ABHD12: variants seen among roughly 807,000 people sequenced by gnomAD.
ABHD12 encodes lysophosphatidylserine lipase ABHD12.
Under a neutral mutation model 58.3 loss-of-function variants are expected in ABHD12, and 43 were observed. That is an observed-to-expected ratio of 0.74 (90% CI 0.58 to 0.95). The LOEUF (loss-of-function observed/expected upper bound fraction) is 0.95. ABHD12 is among the 40% of genes least tolerant of loss of function. The pLI is 0.00. For synonymous variants in ABHD12, 219 were observed against 211.2 expected (o/e 1.04, Z -0.32); for missense variants, 539 against 537.2 (o/e 1.00, Z -0.03).
chr20:25,352,338 G>C (rs1019397225), intron 1 of ABHD12, among the ~76,000 whole-genome samples: 5 of 151,806 alleles, frequency 3.3e-5, no homozygotes, highest in African/African-American at 1.2e-4. Context: ...GCCCAGGCTG[G>C]AGTACAGTGG....
intron 1 of ABHD12, among the ~76,000 whole-genome samples, chr20:25,347,937 C>T (rs1419252052): frequency 6.7e-6 from 1 of 149,314 alleles, no homozygotes; most frequent in African/African-American, 2.5e-5. Context: ...AAAGCCTGGG[C>T]GCAGGGTCTC....
At chr20:25,308,974 C>T (rs983776655) in intron 7 of ABHD12, among the ~76,000 whole-genome samples, 6 of 152,126 alleles carry the variant, frequency 3.9e-5, no homozygotes, top group Non-Finnish European at 8.8e-5. Flanking sequence ...AGGGCTGCCC[C>T]GAAGGGAAAG....
At chr20:25,308,620 G>T in intron 7 of ABHD12, 126 bp from the exon 8 acceptor site, 1 of 1,212,068 alleles carries the variant, frequency 8.3e-7, no homozygotes, top group Admixed American at 2.0e-5. Flanking sequence ...TCAGGACAGA[G>T]TGGGGGAAAT....
At position 25,300,708 on chromosome 20, in the gene ABHD12, GAGGTGCTCTCC is replaced by G. The variant is rs1283987538; in HGVS notation, c.*126_*136del. 1.2e-5 allele frequency: 19 copies of G among 1,556,360 alleles called. No homozygotes were observed. The highest frequency in any genetic ancestry group is 1.6e-5 in the Non-Finnish European group (18 of 1,155,188). ...GCAGGGGCCTCCCCGCCTGGGATCT[GAGGTGCTCTCC>G]AGGTGCGAGCTGGGCTCCTGAGCAT... On this transcript the variant is annotated 3_prime_UTR_variant, in exon 13 of 13. Transcript: ENST00000339157.
chr20:25,371,171 T>C (rs956342894), intron 1 of ABHD12, among the ~76,000 whole-genome samples: 6 of 152,264 alleles, frequency 3.9e-5, no homozygotes, highest in East Asian at 3.9e-4. Flanking sequence ...ACTGAGACAC[T>C]GGACTGGTGG....
chr20:25,295,001 T>C, exon 13 of ABHD12: 2 of 1,614,224 alleles, frequency 1.2e-6, no homozygotes, highest in Non-Finnish European at 8.5e-7. Flanking sequence ...CATGCTGGGA[T>C]CTGGGCTGGA....
Position 25,312,737 on chromosome 20 carries a change from C to T in ABHD12, c.619+2188G>A, listed in dbSNP as rs533118621. Among the ~76,000 whole-genome samples the T allele has an allele frequency of 3.1e-4, 47 of 151,532 alleles. No homozygotes were observed. In the East Asian group the frequency reaches 8.4e-3, roughly 27 times the overall value. The stretch of plus-strand genomic sequence containing the variant: ...GCCATCCCATCTAGGAAGTGAGAAG[C>T]GTCTCTGCCCGGCCGCCCATCGTCT... On this transcript the variant is annotated intron_variant, in intron 6 of 12. Coordinates refer to ENST00000339157, the MANE Select transcript of ABHD12 (RefSeq NM_001042472.3).
chr20:25,309,523 T>C lies in ABHD12; in HGVS notation c.672A>G (p.Ala224=). 6.2e-7 allele frequency: 1 copy of C among 1,614,148 alleles called. No homozygotes were observed. The highest frequency in any genetic ancestry group is 2.2e-5 in the East Asian group (1 of 44,880). ...TPSERGMTYD[A]LHVFDWIKAR... ...CTTTGATCCAGTCAAAAACGTGGAG[T>C]GCGTCATAGGTCATGCCCCGCTCAG... The change falls in exon 7 of 13, where the codon GCA becomes GCG. Residue 224 remains alanine, a synonymous_variant. Coordinates refer to ENST00000339157, the MANE Select transcript of ABHD12 (RefSeq NM_001042472.3).
intron 1 of ABHD12, among the ~76,000 whole-genome samples, chr20:25,366,109 C>T (rs2089817261): frequency 6.6e-6 from 1 of 152,044 alleles, no homozygotes; most frequent in Admixed American, 6.6e-5. Flanking sequence ...ATTATGCTAT[C>T]TTTCGCATAT....
chr20:25,359,393 C>T (rs1171608103), intron 1 of ABHD12, among the ~76,000 whole-genome samples: 2 of 139,324 alleles, frequency 1.4e-5, no homozygotes, highest in Non-Finnish European at 3.0e-5. Context: ...CACTGCACTC[C>T]CGCCTGGGCC....
chr20:25,344,870 G>A (rs1342058562), intron 1 of ABHD12, among the ~76,000 whole-genome samples: 1 of 152,172 alleles, frequency 6.6e-6, no homozygotes, highest in Non-Finnish European at 1.5e-5. Context: ...TGTGACAAAG[G>A]AGCAAGGGCA....
intron 3 of ABHD12, among the ~76,000 whole-genome samples, chr20:25,321,208 G>A (rs756744453): frequency 1.6e-4 from 24 of 152,216 alleles, no homozygotes; most frequent in Non-Finnish European, 5.9e-5. Context: ...GGGATAGGAC[G>A]TCACATTTTG....
chr20:25,367,396 AT>A (rs2089837437), intron 1 of ABHD12, among the ~76,000 whole-genome samples: 1 of 152,070 alleles, frequency 6.6e-6, no homozygotes, highest in Non-Finnish European at 1.5e-5. Flanking sequence ...AATTTTACAC[AT>A]TTTTCCAATT....
intron 10 of ABHD12, among the ~76,000 whole-genome samples, chr20:25,306,308 T>C (rs778160439): frequency 6.6e-6 from 1 of 152,248 alleles, no homozygotes; most frequent in Non-Finnish European, 1.5e-5. Context: ...AATATTGCTT[T>C]ACTTCTATAA....
At chr20:25,351,268 T>C (rs1356508599) in intron 1 of ABHD12, among the ~76,000 whole-genome samples, 1 of 152,184 alleles carries the variant, frequency 6.6e-6, no homozygotes, top group Non-Finnish European at 1.5e-5. Context: ...TTCACCTTTG[T>C]CTCCAAGGCA....
downstream of ABHD12, chr20:25,295,635 A>C (rs1568701998): frequency 1.2e-6 from 2 of 1,614,086 alleles, no homozygotes; most frequent in Non-Finnish European, 1.7e-6. Context: ...TGAAGCCTAC[A>C]TGCAGTGCCA....
chr20:25,379,193 G>A (rs2089994115), intron 1 of ABHD12, among the ~76,000 whole-genome samples: 1 of 152,186 alleles, frequency 6.6e-6, no homozygotes, highest in Non-Finnish European at 1.5e-5. Context: ...CAACTATGCA[G>A]AACATGTCAA....
downstream of ABHD12, among the ~76,000 whole-genome samples, chr20:25,299,752 G>A (rs2424707): frequency 0.16 from 23,902 of 152,212 alleles, 2,176 homozygotes; most frequent in East Asian, 0.34. Context: ...GGGGCAGGTG[G>A]TGTCTCTGGG....
chr20:25,296,561 T>C, downstream of ABHD12: 1 of 1,582,184 alleles, frequency 6.3e-7, no homozygotes, highest in Non-Finnish European at 8.6e-7. Context: ...GCATTTGTTT[T>C]CTTGCTGACT....
Sources: allele counts gnomAD v4.1 joint callset (sites outside exome capture counted in the v4.1 genomes callset), GRCh38; gene constraint gnomAD v4.1.1; transcripts MANE v1.5; gene names NCBI Gene and HGNC (gene_info 2026-07-23, HGNC 2026-07-21).